Variants in PARN observed in about 807,000 individuals in gnomAD.
The protein encoded by PARN is poly(A)-specific ribonuclease.
In PARN, 71 loss-of-function variants were observed where a neutral mutation model predicts 102.8. The ratio of observed to expected loss-of-function variants is 0.69; its 90% CI spans 0.57 to 0.84. The LOEUF is 0.84. PARN is among the 40% of genes least tolerant of loss of function. The pLI is 0.00. For missense variants in PARN, 782 were observed against 760.9 expected (o/e 1.03, Z -0.33); for synonymous variants, 261 against 252.9 (o/e 1.03, Z -0.30).
intron 13 of PARN, among the ~76,000 whole-genome samples, chr16:14,591,458 G>A (rs1970189059): frequency 6.6e-6 from 1 of 151,772 alleles, no homozygotes; most frequent in African/African-American, 2.4e-5. Context: ...TGGTCCATAG[G>A]CCAAATACAG....
chr16:14,586,411 T>C, intron 13 of PARN, 50 bp from the exon 14 acceptor site: 1 of 1,142,862 alleles, frequency 8.7e-7, no homozygotes, highest in Non-Finnish European at 1.3e-6. Context: ...ACACTCGCAG[T>C]ATTAAAAAAC....
chr16:14,468,878 A>AGTAGATAG (rs1555481204), intron 22 of PARN, among the ~76,000 whole-genome samples: 1 of 139,620 alleles, frequency 7.2e-6, no homozygotes, highest in African/African-American at 2.8e-5. Context: ...CCCATTACTA[A>AGTAGATAG]ATAGATAGAT....
intron 18 of PARN, among the ~76,000 whole-genome samples, chr16:14,560,611 T>C (rs901537432): frequency 7.2e-5 from 11 of 152,236 alleles, no homozygotes; most frequent in African/African-American, 2.4e-4. Flanking sequence ...ATTTTTTAAA[T>C]GTTGTATGAG....
chr16:14,617,202 G>A (rs1055842381), intron 6 of PARN, among the ~76,000 whole-genome samples: 3 of 151,238 alleles, frequency 2.0e-5, no homozygotes, highest in Non-Finnish European at 4.4e-5. Context: ...GGCTAACACG[G>A]TGAAACCCTG....
At chr16:14,527,797 T>C (rs1966087548) in intron 21 of PARN, among the ~76,000 whole-genome samples, 4 of 152,172 alleles carry the variant, frequency 2.6e-5, no homozygotes, top group Admixed American at 2.6e-4. Flanking sequence ...TTTGGGGTCA[T>C]TTTCAACAGC....
intron 21 of PARN, among the ~76,000 whole-genome samples, chr16:14,483,991 C>G (rs1963522512): frequency 6.6e-6 from 1 of 152,192 alleles, no homozygotes; most frequent in Non-Finnish European, 1.5e-5. Flanking sequence ...CCCTCACCCC[C>G]TCCTGTCCTT....
At chr16:14,617,697 G>A (rs1388707802) in intron 5 of PARN, 47 bp from the exon 6 acceptor site, 7 of 1,113,290 alleles carry the variant, frequency 6.3e-6, no homozygotes, top group African/African-American at 1.5e-5. Flanking sequence ...GTTAGCGGCA[G>A]GAATATAAAG....
chr16:14,467,120 A>T (rs1281743968), intron 22 of PARN, among the ~76,000 whole-genome samples: 1 of 152,238 alleles, frequency 6.6e-6, no homozygotes, highest in Non-Finnish European at 1.5e-5. Context: ...CTAAATTCTC[A>T]CAGTTTCATT....
At chr16:14,437,004 C>G (rs1262842986) in intron 23 of PARN, among the ~76,000 whole-genome samples, 1 of 152,236 alleles carries the variant, frequency 6.6e-6, no homozygotes, top group Non-Finnish European at 1.5e-5. Context: ...GAGGAAGCAC[C>G]TCCCTGCCTC....
intron 18 of PARN, among the ~76,000 whole-genome samples, chr16:14,578,010 C>T (rs904969191): frequency 1.3e-5 from 2 of 151,978 alleles, no homozygotes; most frequent in African/African-American, 2.4e-5. Flanking sequence ...AATGCCTATA[C>T]TTAACCAAGT....
In PARN at chr16:14,610,707, G is replaced by A. The variant is rs761183697; in HGVS notation, c.491C>T (p.Pro164Leu). Residue 164 changes from proline to leucine, a missense_variant, in exon 7 of 24, where the codon CCT becomes CTT. Transcript: ENST00000437198. Reference protein sequence around the residue: ...NGAGALSYVSPNTSKCPVTIP... With the variant: ...NGAGALSYVSLNTSKCPVTIP... Reference sequence around the variant, plus strand: ...CGTGACAGGACATTTTGAAGTGTTAGGAGATACATAGGACAGAGCTCCTGC... The same window carrying A: ...CGTGACAGGACATTTTGAAGTGTTAAGAGATACATAGGACAGAGCTCCTGC... 1 of 1,608,988 alleles carries A rather than the reference G, an allele frequency of 6.2e-7. No individual in the cohort carries two copies. The highest frequency in any genetic ancestry group is 8.5e-7 in the Non-Finnish European group (1 of 1,175,408).
chr16:14,515,872 T>C (rs1455794372), intron 21 of PARN, among the ~76,000 whole-genome samples: 1 of 152,046 alleles, frequency 6.6e-6, no homozygotes, highest in Middle Eastern at 3.2e-3. Flanking sequence ...GCCAGGAGAT[T>C]GAGGCTGCAG....
At chr16:14,446,554 G>T (rs1961206827) in intron 23 of PARN, among the ~76,000 whole-genome samples, 1 of 152,064 alleles carries the variant, frequency 6.6e-6, no homozygotes, top group African/African-American at 2.4e-5. Flanking sequence ...CATGTAGGAG[G>T]GGCCTCTGCG....
intron 21 of PARN, among the ~76,000 whole-genome samples, chr16:14,505,827 T>A (rs1426080264): frequency 6.6e-6 from 1 of 152,148 alleles, no homozygotes; most frequent in Non-Finnish European, 1.5e-5. Flanking sequence ...TTGAATGACA[T>A]CCTTGCACAA....
At chr16:14,535,572 G>A (rs770011597) in intron 21 of PARN, among the ~76,000 whole-genome samples, 14 of 152,146 alleles carry the variant, frequency 9.2e-5, no homozygotes, top group African/African-American at 3.4e-4. Flanking sequence ...AAAAAACAAT[G>A]CCATAAAATA....
chr16:14,629,359 G>A (rs967805984), intron 2 of PARN, among the ~76,000 whole-genome samples: 1 of 152,210 alleles, frequency 6.6e-6, no homozygotes, highest in Non-Finnish European at 1.5e-5. Context: ...GTTTTAAGCA[G>A]CATCAAAACC....
chr16:14,482,712 C>T lies in PARN; in HGVS notation c.1596G>A (p.Lys532=). The change falls in exon 22 of 24, where the codon AAG becomes AAA. Residue 532 remains lysine, a synonymous_variant. Coordinates refer to ENST00000437198, the MANE Select transcript of PARN (RefSeq NM_002582.4). ...IKRKWTEDSW[K]EADSKRLNPQ... Reference sequence around the variant, plus strand: ...GGTTTAACCGTTTGCTGTCAGCCTCCTTCCAGCTATCTTCAGTCCACTTTC... The same window carrying T: ...GGTTTAACCGTTTGCTGTCAGCCTCTTTCCAGCTATCTTCAGTCCACTTTC... 6.2e-7 allele frequency: 1 copy of T among 1,613,902 alleles called. No homozygotes were observed. The highest frequency in any genetic ancestry group is 8.5e-7 in the Non-Finnish European group (1 of 1,179,818).
chr16:14,539,345 G>T (rs1026850990), intron 21 of PARN, among the ~76,000 whole-genome samples: 1 of 152,180 alleles, frequency 6.6e-6, no homozygotes, highest in African/African-American at 2.4e-5. Flanking sequence ...CACAACAGCC[G>T]CTTTAATGCT....
At chr16:14,602,512 C>A (rs1567437344) in intron 11 of PARN, among the ~76,000 whole-genome samples, 1 of 152,176 alleles carries the variant, frequency 6.6e-6, no homozygotes, top group Admixed American at 6.5e-5. Flanking sequence ...AGGTCAAAAC[C>A]AGAATGGAAC....
Sources: gnomAD v4.1 joint callset for allele counts (sites outside exome capture counted in the v4.1 genomes callset) on GRCh38, gnomAD v4.1.1 for gene constraint, MANE v1.5 for transcripts, NCBI Gene and HGNC (gene_info 2026-07-23, HGNC 2026-07-21) for gene names.